VPS13A: variants seen among roughly 807,000 people sequenced by gnomAD.
The protein encoded by VPS13A is intermembrane lipid transfer protein VPS13A.
VPS13A carries 264 observed loss-of-function variants against 390.9 expected under a neutral mutation model. That is an observed-to-expected ratio of 0.68 (90% confidence interval 0.61 to 0.75). The LOEUF (loss-of-function observed/expected upper bound fraction) is 0.75. Among genes scored for constraint, VPS13A ranks in the 30% least tolerant of loss-of-function variants. The pLI, the probability that VPS13A is intolerant of heterozygous loss-of-function variation, is 0.00. For synonymous variants in VPS13A, 1,231 were observed against 1,227.1 expected (o/e 1.00, Z -0.07); for missense variants, 3,409 against 3,733.9 (o/e 0.91, Z 2.27).
chr9:77,311,017 C>T (rs1262626908), intron 35 of VPS13A, among the ~76,000 whole-genome samples: 4 of 151,952 alleles, frequency 2.6e-5, no homozygotes, highest in Admixed American at 6.6e-5. Context: ...CTCTGCCTCC[C>T]GGGTTCACGC....
Position 77,421,467 on chromosome 9 carries a change from T to C in VPS13A, c.*5461T>C, listed in dbSNP as rs889180119. 6.6e-6 allele frequency: 1 copy of C among 152,224 alleles called. No individual in the cohort carries two copies. 9.4% of individuals were successfully genotyped at this position (152,224 alleles called of 1,614,324 possible). On this transcript the variant is annotated 3_prime_UTR_variant, in exon 72 of 72. Coordinates refer to ENST00000360280, the MANE Select transcript of VPS13A (RefSeq NM_033305.3). ...AAGCATTTCTTGGTATTGGTAGATT[T>C]GGATTGCATGGTAAGATGACTGCCC...
intron 17 of VPS13A, among the ~76,000 whole-genome samples, chr9:77,230,346 A>T (rs58108292): frequency 0.021 from 3,249 of 152,102 alleles, 97 homozygotes; most frequent in East Asian, 0.12. Context: ...TCTTATAAGA[A>T]TTTTATGCTA....
rs1156260377 is a variant in VPS13A at position 77,417,218 on chromosome 9, T to G, written c.*1212T>G. ...TTTAGTTACTGAATAATACAGAGTA[T>G]TCAATGCATGTTGTATGTGCCACCA... On this transcript the variant is annotated 3_prime_UTR_variant, in exon 72 of 72. Coordinates refer to ENST00000360280, the MANE Select transcript of VPS13A (RefSeq NM_033305.3). The G allele has an allele frequency of 6.6e-6, 1 of 152,206 alleles. No homozygotes were observed. Among genetic ancestry groups the G allele is most frequent in the African/African-American group, 2.4e-5 (1 of 41,462 alleles). 9.4% of individuals were successfully genotyped at this position (152,206 alleles called of 1,614,324 possible).
At chr9:77,379,727 A>G (rs1264672643) in intron 67 of VPS13A, among the ~76,000 whole-genome samples, 2 of 152,216 alleles carry the variant, frequency 1.3e-5, no homozygotes, top group Non-Finnish European at 2.9e-5. Context: ...GCCAAGAAGC[A>G]AACAGTAATT....
At chr9:77,241,361 T>G (rs1824482618) in intron 19 of VPS13A, among the ~76,000 whole-genome samples, 1 of 152,180 alleles carries the variant, frequency 6.6e-6, no homozygotes, top group Admixed American at 6.5e-5. Flanking sequence ...TTAGGAATTC[T>G]GTTTTGTTAA....
chr9:77,238,695 A>T (rs913547556), intron 19 of VPS13A, among the ~76,000 whole-genome samples: 2 of 152,114 alleles, frequency 1.3e-5, no homozygotes, highest in Admixed American at 1.3e-4. Context: ...TGCGTTCCAG[A>T]TTTTGATATA....
rs546594385 is a variant in VPS13A, at chr9:77,320,895, G to T, written c.5416-274G>T. ...GTATGTGCTTTTATATTCAGATCCC[G>T]GGTACACATAGTAATTTTAGGTTTT... is the stretch of plus-strand genomic sequence containing the variant. On this transcript the variant is annotated intron_variant, in intron 42 of 71. Transcript: ENST00000360280. Among the ~76,000 whole-genome samples, 4 of 151,970 alleles carry T rather than the reference G, an allele frequency of 2.6e-5. No individual in the cohort carries two copies. In the South Asian group the frequency reaches 8.3e-4, roughly 32 times the overall value.
chr9:77,243,566 G>A (rs1488777498), intron 19 of VPS13A, among the ~76,000 whole-genome samples: 1 of 152,224 alleles, frequency 6.6e-6, no homozygotes, highest in East Asian at 1.9e-4. Flanking sequence ...AGATGTGGTC[G>A]TTTGCTAAAA....
intron 1 of VPS13A, among the ~76,000 whole-genome samples, chr9:77,183,999 G>A (rs1431032724): frequency 6.6e-6 from 1 of 152,184 alleles, no homozygotes; most frequent in Non-Finnish European, 1.5e-5. Context: ...TTGTAGAGAT[G>A]AGCTCATTTC....
chr9:77,190,300 T>A (rs1824596872), intron 1 of VPS13A, among the ~76,000 whole-genome samples: 2 of 152,202 alleles, frequency 1.3e-5, no homozygotes, highest in African/African-American at 4.8e-5. Flanking sequence ...GTTTTTAACA[T>A]GAAGGGATGT....
chr9:77,339,381 G>A, intron 47 of VPS13A, 135 bp from the exon 48 acceptor site: 1 of 799,992 alleles, frequency 1.3e-6, no homozygotes, highest in Non-Finnish European at 1.9e-6. Context: ...GAACTTGAAT[G>A]TAAGTCTTCT....
chr9:77,184,628 A>G (rs1824222570), intron 1 of VPS13A, among the ~76,000 whole-genome samples: 2 of 152,248 alleles, frequency 1.3e-5, no homozygotes, highest in Non-Finnish European at 2.9e-5. Flanking sequence ...CAAAAAAACA[A>G]AAACAAAAGA....
At chr9:77,414,181 C>T (rs1430795658) in intron 71 of VPS13A, among the ~76,000 whole-genome samples, 6 of 152,154 alleles carry the variant, frequency 3.9e-5, no homozygotes, top group Non-Finnish European at 7.3e-5. Context: ...GTCAGTGTGG[C>T]GATTCCTCAG....
At chr9:77,382,474 A>G (rs1833495746) in intron 68 of VPS13A, 4 of 1,341,558 alleles carry the variant, frequency 3.0e-6, no homozygotes, top group South Asian at 4.4e-5. Context: ...TTAGTTCTGC[A>G]CTGGATTTGC....
chr9:77,253,211 T>A (rs919341480), intron 22 of VPS13A, among the ~76,000 whole-genome samples: 2 of 152,228 alleles, frequency 1.3e-5, no homozygotes. Flanking sequence ...TGCTTAGTGA[T>A]GTTGAACATC....
intron 68 of VPS13A, among the ~76,000 whole-genome samples, chr9:77,400,303 C>T (rs1834321593): frequency 1.1e-5 from 1 of 88,712 alleles, no homozygotes; most frequent in African/African-American, 4.1e-5. Context: ...TCATTTTTTT[C>T]TGTCGGTTTC....
chr9:77,344,204 G>A lies in VPS13A; in HGVS notation c.7078G>A (p.Glu2360Lys), dbSNP rs370401336. ...TTCTAGTAAACTTCTTATTCAAGTCGAAAGGAGTGAAGATCCTCCCAAAAG... is the reference window on the plus strand; with the variant it reads ...TTCTAGTAAACTTCTTATTCAAGTCAAAAGGAGTGAAGATCCTCCCAAAAG... ...YASSKLLIQV[E>K]RSEDPPKRIY... Residue 2360 changes from glutamate (E) to lysine (K), a missense_variant, in exon 51 of 72, where the codon GAA becomes AAA. This residue lies in a region of VPS13A where 2,717 missense variants were observed against 2,917.4 expected (regional missense o/e 0.93). Coordinates refer to ENST00000360280, the MANE Select transcript of VPS13A (RefSeq NM_033305.3). The A allele has an allele frequency of 2.6e-4, 419 of 1,612,360 alleles. 6 individuals carry two copies. In the South Asian group the frequency reaches 3.6e-3, roughly 14 times the overall value.
At chr9:77,398,228 A>G (rs1198166820) in intron 68 of VPS13A, among the ~76,000 whole-genome samples, 1 of 152,154 alleles carries the variant, frequency 6.6e-6, no homozygotes, top group Non-Finnish European at 1.5e-5. Flanking sequence ...TATCAAAGAC[A>G]TTTTTTGAGG....
intron 16 of VPS13A, 77 bp from the exon 17 acceptor site, chr9:77,228,045 T>G: frequency 9.0e-7 from 1 of 1,115,126 alleles, no homozygotes; most frequent in Non-Finnish European, 1.2e-6. Context: ...GTTTTTGAAA[T>G]GAATGTACTA....
Sources: allele counts gnomAD v4.1 joint callset (sites outside exome capture counted in the v4.1 genomes callset), GRCh38; gene constraint gnomAD v4.1.1; regional missense constraint gnomAD v4.1.1; transcripts MANE v1.5; gene names NCBI Gene and HGNC (gene_info 2026-07-23, HGNC 2026-07-21).